RBFOX1: variants seen among roughly 807,000 people sequenced by gnomAD.
RBFOX1 encodes RNA binding fox-1 homolog 1.
In RBFOX1, 8 loss-of-function variants were observed where a neutral mutation model predicts 57.7. That is an observed-to-expected ratio of 0.14 (90% CI 0.08 to 0.25). The LOEUF is 0.25. Ranked by LOEUF, RBFOX1 falls within the 10% of genes least tolerant of loss-of-function variation. The probability of loss-of-function intolerance (pLI) is 1.00; values close to 1 mark genes in which losing one functional copy is unlikely to be tolerated. For synonymous variants in RBFOX1, 326 were observed against 222.4 expected (o/e 1.47, Z -4.15); for missense variants, 611 against 548.5 (o/e 1.11, Z -1.14).
intron 11 of RBFOX1, among the ~76,000 whole-genome samples, chr16:7,644,082 G>C (rs141852560): frequency 6.6e-6 from 1 of 152,308 alleles, no homozygotes; most frequent in African/African-American, 2.4e-5. Context: ...AGCAGAGAGA[G>C]AGTAGAAGTA....
intron 3 of RBFOX1, among the ~76,000 whole-genome samples, chr16:6,839,346 C>A (rs1227094092): frequency 2.0e-5 from 3 of 152,182 alleles, no homozygotes; most frequent in Non-Finnish European, 2.9e-5. Flanking sequence ...ACTATTAACC[C>A]CACTGACTCC....
intron 2 of RBFOX1, among the ~76,000 whole-genome samples, chr16:6,599,609 C>A (rs1040327089): frequency 1.3e-5 from 2 of 152,112 alleles, no homozygotes; most frequent in African/African-American, 4.8e-5. Context: ...CCGTGTAAAT[C>A]AGGCTAATCT....
intron 3 of RBFOX1, among the ~76,000 whole-genome samples, chr16:5,854,526 A>C (rs1220108465): frequency 6.6e-6 from 1 of 152,030 alleles, no homozygotes; most frequent in Non-Finnish European, 1.5e-5. Flanking sequence ...TTAAGGCTGA[A>C]TAATGGTGTT....
intron 3 of RBFOX1, among the ~76,000 whole-genome samples, chr16:6,901,433 A>C (rs147212284): frequency 4.7e-4 from 71 of 152,266 alleles, no homozygotes; most frequent in African/African-American, 1.6e-3. Flanking sequence ...CACAGAGTCC[A>C]AGAGGTCAAA....
intron 3 of RBFOX1, among the ~76,000 whole-genome samples, chr16:6,902,263 C>T (rs77431054): frequency 5.3e-5 from 8 of 152,208 alleles, no homozygotes; most frequent in East Asian, 1.9e-4. Flanking sequence ...ATTGAAGCCC[C>T]GTTTTTGTTT....
chr16:7,413,344 C>G (rs2098447994), intron 4 of RBFOX1, among the ~76,000 whole-genome samples: 1 of 151,970 alleles, frequency 6.6e-6, no homozygotes, highest in Non-Finnish European at 1.5e-5. Flanking sequence ...CAGTCTTCCT[C>G]TGTAGCAATG....
At chr16:7,325,715 C>T (rs1041722658) in intron 4 of RBFOX1, among the ~76,000 whole-genome samples, 1 of 152,164 alleles carries the variant, frequency 6.6e-6, no homozygotes, top group Non-Finnish European at 1.5e-5. Context: ...GAAGCTTTTC[C>T]TATATTCCCA....
intron 3 of RBFOX1, chr16:5,867,285 T>C (rs76923005): frequency 0.055 from 65,207 of 1,190,104 alleles, 1,988 homozygotes; most frequent in Admixed American, 0.093. Flanking sequence ...CTAATGTCTT[T>C]TTTTGTTTAA....
At chr16:7,635,582 C>T (rs536004250) in intron 11 of RBFOX1, among the ~76,000 whole-genome samples, 114 of 151,940 alleles carry the variant, frequency 7.5e-4, no homozygotes, top group African/African-American at 2.7e-3. Flanking sequence ...GGGCGGGGGA[C>T]GGTGTGTTAT....
At chr16:6,184,586 G>T (rs1163239656) in intron 1 of RBFOX1, among the ~76,000 whole-genome samples, 2 of 152,170 alleles carry the variant, frequency 1.3e-5, no homozygotes, top group African/African-American at 2.4e-5. Context: ...TTTAGACAGA[G>T]TCTCGCTCTT....
chr16:7,397,057 G>A (rs1365337651), intron 4 of RBFOX1, among the ~76,000 whole-genome samples: 1 of 152,194 alleles, frequency 6.6e-6, no homozygotes, highest in East Asian at 1.9e-4. Flanking sequence ...GGTCTAACTT[G>A]CTTAAAGAAA....
At chr16:5,608,513 C>A (rs1465262220) in intron 3 of RBFOX1, among the ~76,000 whole-genome samples, 3 of 152,248 alleles carry the variant, frequency 2.0e-5, no homozygotes, top group Admixed American at 2.0e-4. Flanking sequence ...CTTGACTTCT[C>A]TGTGCCTGTA....
At chr16:5,722,218 G>A (rs111979121) in intron 3 of RBFOX1, among the ~76,000 whole-genome samples, 5,070 of 152,146 alleles carry the variant, frequency 0.033, 241 homozygotes, top group African/African-American at 0.11. Flanking sequence ...AACTGTTGTC[G>A]TTATTGTTTC....
At chr16:5,953,677 A>C (rs942316929) in intron 4 of RBFOX1, among the ~76,000 whole-genome samples, 3 of 150,216 alleles carry the variant, frequency 2.0e-5, no homozygotes, top group African/African-American at 7.4e-5. Context: ...TCATTCATTC[A>C]TTTTTAGGGC....
At chr16:6,589,097 A>G (rs927224931) in intron 2 of RBFOX1, among the ~76,000 whole-genome samples, 14 of 43,706 alleles carry the variant, frequency 3.2e-4, no homozygotes, top group South Asian at 3.8e-3. Flanking sequence ...CATTCCATCT[A>G]TATTACAAAA....
chr16:7,637,040 C>T (rs770268837), intron 11 of RBFOX1, among the ~76,000 whole-genome samples: 10 of 152,262 alleles, frequency 6.6e-5, no homozygotes, highest in Non-Finnish European at 1.2e-4. Context: ...TAGTCCGTAG[C>T]AAGCCCCTTG....
At chr16:6,764,550 C>G (rs988512285) in intron 3 of RBFOX1, among the ~76,000 whole-genome samples, 1 of 152,188 alleles carries the variant, frequency 6.6e-6, no homozygotes, top group African/African-American at 2.4e-5. Context: ...GAAATAAGGA[C>G]ATGGTTTCTG....
At chr16:5,323,820 C>G (rs2064482647) in intron 1 of RBFOX1, among the ~76,000 whole-genome samples, 1 of 152,192 alleles carries the variant, frequency 6.6e-6, no homozygotes, top group South Asian at 2.1e-4. Context: ...GGTTCTGTGC[C>G]AACTGGCTGA....
chr16:6,185,538 C>T (rs868630408), intron 1 of RBFOX1, among the ~76,000 whole-genome samples: 19 of 152,190 alleles, frequency 1.2e-4, no homozygotes, highest in Non-Finnish European at 7.3e-5. Flanking sequence ...TCCACTGCAT[C>T]CTTGTTCACG....
Sources: gnomAD v4.1 joint callset for allele counts (sites outside exome capture counted in the v4.1 genomes callset) on GRCh38, gnomAD v4.1.1 for gene constraint, MANE v1.5 for transcripts, NCBI Gene and HGNC (gene_info 2026-07-23, HGNC 2026-07-21) for gene names.